RGL1: variants seen among roughly 807,000 people sequenced by gnomAD.
RGL1 encodes the protein ral guanine nucleotide dissociation stimulator-like 1.
A neutral mutation model predicts 95.2 loss-of-function variants in RGL1; 24 were observed. That is an observed-to-expected ratio of 0.25 (90% confidence interval 0.18 to 0.35). The LOEUF (loss-of-function observed/expected upper bound fraction) is 0.35, where lower values mean the gene tolerates loss of function less well. Ranked by LOEUF, RGL1 falls within the 10% of genes least tolerant of loss-of-function variation. The pLI, the probability that RGL1 is intolerant of heterozygous loss-of-function variation, is 1.00. For missense variants in RGL1, 715 were observed against 936.3 expected (o/e 0.76, Z 3.08); for synonymous variants, 329 against 344.9 (o/e 0.95, Z 0.51).
rs1187964370 is a variant in RGL1, at chr1:183,927,268, A to T, written c.*976A>T. On this transcript the variant is annotated 3_prime_UTR_variant, in exon 18 of 18. Coordinates refer to ENST00000360851, the MANE Select transcript of RGL1 (RefSeq NM_001297671.3). The stretch of plus-strand genomic sequence containing the variant: ...AACTATGTGTCTGGAGTCTTTTGCC[A>T]TCTGGATCTTAGTACCTCTTTATTA... 6.6e-6 allele frequency: 1 copy of T among 152,536 alleles called. No individual in the cohort carries two copies. The highest frequency in any genetic ancestry group is 1.5e-5 in the Non-Finnish European group (1 of 68,012). 9.4% of individuals were successfully genotyped at this position (152,536 alleles called of 1,614,324 possible). A position where few individuals can be genotyped will look rare whatever the true frequency, so the allele number is the denominator to read the frequency against.
At chr1:183,687,864 T>TA (rs1386402472) in intron 1 of RGL1, among the ~76,000 whole-genome samples, 1 of 152,188 alleles carries the variant, frequency 6.6e-6, no homozygotes, top group African/African-American at 2.4e-5. Flanking sequence ...CTATATATTT[T>TA]AAAAAATCAA....
At chr1:183,866,191 C>A in intron 4 of RGL1, 118 bp downstream of exon 4, 1 of 758,404 alleles carries the variant, frequency 1.3e-6, no homozygotes, top group Non-Finnish European at 2.2e-6. Context: ...ATAGTGCATA[C>A]AGAGGCTTAT....
At chr1:183,680,479 TC>T (rs1397769926) in intron 1 of RGL1, among the ~76,000 whole-genome samples, 5 of 150,964 alleles carry the variant, frequency 3.3e-5, no homozygotes, top group African/African-American at 1.2e-4. Flanking sequence ...GGGAATCCTT[TC>T]CCCAATGCTT....
chr1:183,658,400 G>A (rs1208153664), intron 1 of RGL1, among the ~76,000 whole-genome samples: 1 of 152,222 alleles, frequency 6.6e-6, no homozygotes, highest in Non-Finnish European at 1.5e-5. Flanking sequence ...CGCACCAGGA[G>A]ATTATGTCCC....
At chr1:183,702,926 T>A (rs572075186) in intron 1 of RGL1, among the ~76,000 whole-genome samples, 1 of 152,198 alleles carries the variant, frequency 6.6e-6, no homozygotes, top group African/African-American at 2.4e-5. Flanking sequence ...GTAGCAGTTT[T>A]ATAGTCTCCT....
At chr1:183,854,447 G>A (rs1452634605) in intron 3 of RGL1, among the ~76,000 whole-genome samples, 2 of 152,332 alleles carry the variant, frequency 1.3e-5, no homozygotes, top group African/African-American at 4.8e-5. Context: ...GTCGCCTGGA[G>A]TAACATTTTC....
At position 183,793,685 on chromosome 1, in the gene RGL1, A is replaced by G. The variant is rs56802966; in HGVS notation, c.133-12690A>G. Among the ~76,000 whole-genome samples the G allele has an allele frequency of 2.9e-3, 440 of 152,258 alleles. 3 individuals are homozygous for G. Among genetic ancestry groups the G allele is most frequent in the African/African-American group, 9.9e-3 (411 of 41,578 alleles). On this transcript the variant is annotated intron_variant, in intron 2 of 18. Coordinates refer to the RGL1 transcript ENST00000304685. ...CAGGTATATGAAAAAAAAATGCTCA[A>G]CATCACTAATCATCAGGGAAAGACA...
chr1:183,839,578 C>T (rs1021989541), intron 2 of RGL1, among the ~76,000 whole-genome samples: 4 of 152,150 alleles, frequency 2.6e-5, no homozygotes, highest in Non-Finnish European at 5.9e-5. Context: ...CCACAACTTT[C>T]GTACTGGTTT....
At chr1:183,730,627 C>G (rs556487040) in intron 1 of RGL1, among the ~76,000 whole-genome samples, 2 of 152,060 alleles carry the variant, frequency 1.3e-5, no homozygotes, top group Non-Finnish European at 2.9e-5. Flanking sequence ...GCTAGTGTTG[C>G]CAGATTTTAA....
chr1:183,844,707 A>ACAT (rs927871902), intron 2 of RGL1, among the ~76,000 whole-genome samples: 1 of 152,220 alleles, frequency 6.6e-6, no homozygotes, highest in African/African-American at 2.4e-5. Flanking sequence ...CTTCTGGGGA[A>ACAT]CAGATGGGTA....
intron 1 of RGL1, among the ~76,000 whole-genome samples, chr1:183,703,504 T>A (rs561699901): frequency 2.0e-4 from 30 of 152,182 alleles, no homozygotes; most frequent in African/African-American, 7.2e-4. Context: ...CCTCCTAGAA[T>A]GTTTGTTGGG....
At chr1:183,706,551 G>T (rs1021597508) in intron 1 of RGL1, among the ~76,000 whole-genome samples, 1 of 152,166 alleles carries the variant, frequency 6.6e-6, no homozygotes, top group South Asian at 2.1e-4. Flanking sequence ...TGTGGGGGCT[G>T]CTCACAGTCT....
At chr1:183,766,479 C>G (rs552523152) in intron 2 of RGL1, among the ~76,000 whole-genome samples, 2 of 152,052 alleles carry the variant, frequency 1.3e-5, no homozygotes, top group African/African-American at 2.4e-5. Context: ...AACATTAAAA[C>G]TTTGTACCCA....
At chr1:183,757,205 G>A (rs1188813791) in intron 2 of RGL1, among the ~76,000 whole-genome samples, 1 of 152,146 alleles carries the variant, frequency 6.6e-6, no homozygotes, top group Non-Finnish European at 1.5e-5. Context: ...CTGGACATAT[G>A]ACCTCTTCTC....
At chr1:183,703,505 G>A (rs1452381847) in intron 1 of RGL1, among the ~76,000 whole-genome samples, 1 of 152,202 alleles carries the variant, frequency 6.6e-6, no homozygotes, top group Non-Finnish European at 1.5e-5. Flanking sequence ...CTCCTAGAAT[G>A]TTTGTTGGGT....
intron 1 of RGL1, chr1:183,648,794 T>G: frequency 1.3e-6 from 2 of 1,565,018 alleles, no homozygotes; most frequent in Non-Finnish European, 1.7e-6. Context: ...CTAGATTTAC[T>G]GTCTTCTAGC....
At chr1:183,787,156 G>T (rs1032600370) in intron 2 of RGL1, among the ~76,000 whole-genome samples, 1 of 152,178 alleles carries the variant, frequency 6.6e-6, no homozygotes, top group African/African-American at 2.4e-5. Flanking sequence ...TGGCTTGATT[G>T]GGCGCCCTCC....
chr1:183,684,174 C>T (rs963951532), intron 1 of RGL1, among the ~76,000 whole-genome samples: 10 of 152,026 alleles, frequency 6.6e-5, no homozygotes, highest in African/African-American at 2.4e-4. Flanking sequence ...TCTGTCAATT[C>T]ATTAAACTCA....
chr1:183,890,822 G>C (rs1202531698), intron 8 of RGL1, among the ~76,000 whole-genome samples: 1 of 152,144 alleles, frequency 6.6e-6, no homozygotes, highest in African/African-American at 2.4e-5. Flanking sequence ...AGGACGGTAG[G>C]GTCCCAGGGT....
Sources: gnomAD v4.1 joint callset for allele counts (sites outside exome capture counted in the v4.1 genomes callset) on GRCh38, gnomAD v4.1.1 for gene constraint, MANE v1.5 for transcripts, NCBI Gene and HGNC (gene_info 2026-07-23, HGNC 2026-07-21) for gene names.